The following AKT3 variants were observed in gnomAD, a reference collection of about 807,000 sequenced individuals.
The protein encoded by AKT3 is AKT serine/threonine kinase 3.
Under a neutral mutation model 65.3 loss-of-function variants are expected in AKT3, and 15 were observed. The ratio of observed to expected loss-of-function variants is 0.23; its 90% CI spans 0.15 to 0.35. AKT3 has a LOEUF of 0.35. Ranked by LOEUF, AKT3 falls within the 10% of genes least tolerant of loss-of-function variation. The probability of loss-of-function intolerance (pLI) is 1.00; values close to 1 mark genes in which losing one functional copy is unlikely to be tolerated. For missense variants in AKT3, 243 were observed against 576.5 expected (o/e 0.42, Z 5.92); for synonymous variants, 206 against 183.8 (o/e 1.12, Z -0.98).
At chr1:243,835,455 G>T (rs949726686) in intron 2 of AKT3, among the ~76,000 whole-genome samples, 9 of 152,016 alleles carry the variant, frequency 5.9e-5, no homozygotes, top group African/African-American at 2.2e-4. Flanking sequence ...TAACAAACCT[G>T]TACATGTATT....
chr1:243,575,957 G>GAA (rs1389425374), intron 8 of AKT3, among the ~76,000 whole-genome samples: 1 of 151,444 alleles, frequency 6.6e-6, no homozygotes, highest in Non-Finnish European at 1.5e-5. Flanking sequence ...AGGACTTCTG[G>GAA]AAAAAAAAGA....
At chr1:243,775,639 A>G (rs930175444) in intron 2 of AKT3, among the ~76,000 whole-genome samples, 3 of 152,194 alleles carry the variant, frequency 2.0e-5, no homozygotes, top group African/African-American at 4.8e-5. Context: ...AGCTCCAGAA[A>G]GGCTAACAAA....
intron 10 of AKT3, among the ~76,000 whole-genome samples, chr1:243,556,340 C>T (rs1435958165): frequency 1.3e-5 from 2 of 152,004 alleles, no homozygotes; most frequent in Non-Finnish European, 2.9e-5. Flanking sequence ...TTAAATGATA[C>T]TACCAATTCA....
At chr1:243,772,331 A>T (rs967859769) in intron 2 of AKT3, among the ~76,000 whole-genome samples, 2 of 152,206 alleles carry the variant, frequency 1.3e-5, no homozygotes, top group Admixed American at 6.5e-5. Context: ...AAGAACTCAA[A>T]CAAATTTACA....
At chr1:243,537,206 T>C (rs1671995930) in intron 12 of AKT3, among the ~76,000 whole-genome samples, 1 of 152,096 alleles carries the variant, frequency 6.6e-6, no homozygotes, top group South Asian at 2.1e-4. Flanking sequence ...CCTTCCACAT[T>C]CTCACTGCTT....
chr1:243,572,240 T>C (rs1401561006), intron 9 of AKT3, among the ~76,000 whole-genome samples: 1 of 152,220 alleles, frequency 6.6e-6, no homozygotes, highest in South Asian at 2.1e-4. Context: ...CTATTTTGTT[T>C]ACTGGAACAT....
At chr1:243,820,336 G>T (rs1043874147) in intron 2 of AKT3, among the ~76,000 whole-genome samples, 1 of 152,180 alleles carries the variant, frequency 6.6e-6, no homozygotes, top group Admixed American at 6.5e-5. Flanking sequence ...ATAAACCCAT[G>T]AAGATAAGAA....
chr1:243,758,128 T>C (rs189976689), intron 2 of AKT3, among the ~76,000 whole-genome samples: 1 of 152,338 alleles, frequency 6.6e-6, no homozygotes, highest in African/African-American at 2.4e-5. Flanking sequence ...TGTTATTCAC[T>C]TGACAAATAT....
At chr1:243,833,518 C>A (rs1016344674) in intron 2 of AKT3, among the ~76,000 whole-genome samples, 1 of 151,832 alleles carries the variant, frequency 6.6e-6, no homozygotes, top group Admixed American at 6.5e-5. Context: ...GATTCAATTA[C>A]CTCCGCCTGG....
At chr1:243,814,672 A>T (rs1693394867) in intron 2 of AKT3, 1 of 152,270 alleles carries the variant, frequency 6.6e-6, no homozygotes, top group Admixed American at 6.5e-5. Flanking sequence ...CCAGGCTGCC[A>T]TCTTATCAGC....
chr1:243,585,004 A>C (rs1260873424), intron 8 of AKT3, among the ~76,000 whole-genome samples: 1 of 152,144 alleles, frequency 6.6e-6, no homozygotes, highest in Admixed American at 6.5e-5. Context: ...GGAAACCCTA[A>C]GGGCTCCACC....
chr1:243,587,218 C>T (rs1038829873), intron 8 of AKT3, among the ~76,000 whole-genome samples: 1 of 152,138 alleles, frequency 6.6e-6, no homozygotes, highest in Non-Finnish European at 1.5e-5. Context: ...ACACTGGTGG[C>T]TAGTATGTAA....
At chr1:243,744,071 A>G (rs1200731122) in intron 2 of AKT3, among the ~76,000 whole-genome samples, 3 of 152,226 alleles carry the variant, frequency 2.0e-5, no homozygotes, top group Non-Finnish European at 4.4e-5. Flanking sequence ...TAAAAACAAA[A>G]CAAATCCAAA....
intron 8 of AKT3, among the ~76,000 whole-genome samples, chr1:243,577,837 T>C (rs764568053): frequency 4.0e-5 from 6 of 151,382 alleles, no homozygotes; most frequent in Non-Finnish European, 7.4e-5. Context: ...TAAACAAATT[T>C]ACAAGAAAAA....
At chr1:243,843,717 T>A (rs1695388143) in intron 1 of AKT3, 1 of 366,712 alleles carries the variant, frequency 2.7e-6, no homozygotes, top group Non-Finnish European at 3.8e-6. Context: ...AGTGGCGCGA[T>A]CTCTGCTCAC....
chr1:243,673,611 ATT>A (rs11386712), intron 3 of AKT3, among the ~76,000 whole-genome samples: 10 of 124,142 alleles, frequency 8.1e-5, no homozygotes, highest in South Asian at 2.6e-4. Context: ...TAATTATGAG[ATT>A]TTTTTTTTTT....
chr1:243,727,614 T>A (rs1184164007), intron 2 of AKT3, among the ~76,000 whole-genome samples: 1 of 152,180 alleles, frequency 6.6e-6, no homozygotes. Context: ...CTCTTACTCT[T>A]CATTGTAATT....
chr1:243,622,560 T>C (rs900120708), intron 6 of AKT3, among the ~76,000 whole-genome samples: 2 of 152,202 alleles, frequency 1.3e-5, no homozygotes, highest in Non-Finnish European at 1.5e-5. Flanking sequence ...AGCAAATAAT[T>C]AGGTGTTCGA....
intron 6 of AKT3, chr1:243,625,063 C>A: frequency 3.2e-6 from 1 of 316,680 alleles, no homozygotes; most frequent in South Asian, 3.7e-5. Context: ...CCACCCTTGC[C>A]CTTTCCCCAC....
Sources: allele counts gnomAD v4.1 joint callset (sites outside exome capture counted in the v4.1 genomes callset), GRCh38; gene constraint gnomAD v4.1.1; transcripts MANE v1.5; gene names NCBI Gene and HGNC (gene_info 2026-07-23, HGNC 2026-07-21).